MGST1: variants seen among roughly 807,000 people sequenced by gnomAD.
The protein encoded by MGST1 is microsomal glutathione S-transferase 1.
In MGST1, 5 loss-of-function variants were observed where a neutral mutation model predicts 8.9. The ratio of observed to expected loss-of-function variants is 0.56; its 90% CI spans 0.29 to 1.19. The LOEUF is 1.19. Among genes scored for constraint, MGST1 ranks in the 50% most tolerant of loss-of-function variants. The probability of loss-of-function intolerance (pLI) is 0.08; values close to 1 mark genes in which losing one functional copy is unlikely to be tolerated. For missense variants in MGST1, 182 were observed against 187.4 expected (o/e 0.97, Z 0.17); for synonymous variants, 54 against 67.8 (o/e 0.80, Z 1.00).
intron 4 of MGST1, among the ~76,000 whole-genome samples, chr12:16,496,341 G>A (rs1443141221): frequency 6.6e-6 from 1 of 152,120 alleles, no homozygotes; most frequent in Non-Finnish European, 1.5e-5. Flanking sequence ...AGTGGAGCCA[G>A]ATAGGTGAAT....
chr12:16,483,070 G>A (rs1397325715), intron 4 of MGST1, among the ~76,000 whole-genome samples: 1 of 152,156 alleles, frequency 6.6e-6, no homozygotes, highest in Non-Finnish European at 1.5e-5. Context: ...GCATTTATCT[G>A]GAATAAATGC....
Position 16,493,856 on chromosome 12 carries a change from C to A in MGST1, n.483-95672C>A, listed in dbSNP as rs16911976. On this transcript the variant is annotated intron_variant and non_coding_transcript_variant, in intron 4 of 4. Coordinates refer to the MGST1 transcript ENST00000538857. Reference sequence around the variant, plus strand: ...AGGACTCTTCTCTGAAACTTTATGTCAGCTTGAACACATTCTATTTAAAAG... The same window carrying A: ...AGGACTCTTCTCTGAAACTTTATGTAAGCTTGAACACATTCTATTTAAAAG... 1.3e-3 allele frequency among the ~76,000 whole-genome samples: 194 copies of A among 152,184 alleles called. 4 individuals carry two copies. In the East Asian group the frequency reaches 0.032, roughly 25 times the overall value.
chr12:16,442,603 G>T (rs1364171272), downstream of MGST1, among the ~76,000 whole-genome samples: 1 of 151,782 alleles, frequency 6.6e-6, no homozygotes, highest in Non-Finnish European at 1.5e-5. The surrounding 1 kb of genome is among the most constrained non-coding windows in gnomAD (Gnocchi z 4.5). Flanking sequence ...TTGCTCTTTT[G>T]TTAAAGATCA....
In MGST1 at chr12:16,401,294, A is replaced by G. The variant is rs774063222; in HGVS notation, n.778+17690A>G. On this transcript the variant is annotated intron_variant and non_coding_transcript_variant, in intron 1 of 1. Coordinates refer to the MGST1 transcript ENST00000359720. The surrounding 1 kb of genome is among the most constrained non-coding windows in gnomAD (Gnocchi z 4.3). Reference sequence around the variant, plus strand: ...TCTGAGAATCCCAAACTGATGCTGAAAACCATTCCTGTCTTCAGTTTGTAT... The same window carrying G: ...TCTGAGAATCCCAAACTGATGCTGAGAACCATTCCTGTCTTCAGTTTGTAT... 1.3e-6 allele frequency: 2 copies of G among 1,512,294 alleles called. No homozygotes were observed. Among genetic ancestry groups the G allele is most frequent in the Non-Finnish European group, 1.8e-6 (2 of 1,090,544 alleles). 93.7% of individuals were successfully genotyped at this position (1,512,294 alleles called of 1,614,324 possible). A position where few individuals can be genotyped will look rare whatever the true frequency, so the allele number is the denominator to read the frequency against.
intron 4 of MGST1, among the ~76,000 whole-genome samples, chr12:16,558,384 G>A (rs2137311548): frequency 6.6e-6 from 1 of 152,108 alleles, no homozygotes; most frequent in South Asian, 2.1e-4. Flanking sequence ...ATTCCATAAT[G>A]GGAACTGCAT....
At chr12:16,446,102 C>T (rs574050435) in intron 4 of MGST1, among the ~76,000 whole-genome samples, 79 of 151,992 alleles carry the variant, frequency 5.2e-4, no homozygotes, top group African/African-American at 1.7e-3. Flanking sequence ...ACCAGAGCAC[C>T]GTTTGCTTTA....
intron 4 of MGST1, among the ~76,000 whole-genome samples, chr12:16,455,124 T>C (rs1941162916): frequency 6.6e-6 from 1 of 151,940 alleles, no homozygotes; most frequent in Non-Finnish European, 1.5e-5. Context: ...AAATAGAATT[T>C]TGAGGACAAT....
In MGST1 at chr12:16,415,939, G is replaced by T. The variant is rs183042016; in HGVS notation, n.779-21449G>T. Reference sequence around the variant, plus strand: ...TATAAAATTTATTTTATAAATATTTGCAGCCATAATCAAGAAATAATCTTT... The same window carrying T: ...TATAAAATTTATTTTATAAATATTTTCAGCCATAATCAAGAAATAATCTTT... On this transcript the variant is annotated intron_variant and non_coding_transcript_variant, in intron 1 of 1. Coordinates refer to the MGST1 transcript ENST00000359720. Among the ~76,000 whole-genome samples, 1,390 of 152,252 alleles carry T rather than the reference G, an allele frequency of 9.1e-3. 14 individuals carry two copies. Among genetic ancestry groups the T allele is most frequent in the Non-Finnish European group, 0.013 (872 of 68,020 alleles).
intron 4 of MGST1, among the ~76,000 whole-genome samples, chr12:16,498,299 C>T (rs1238900592): frequency 2.6e-5 from 4 of 152,166 alleles, no homozygotes; most frequent in Non-Finnish European, 4.4e-5. Context: ...TAGTATCTCT[C>T]CCTGGAAGCC....
chr12:16,462,386 TTAATA>T (rs1388214784), intron 4 of MGST1, among the ~76,000 whole-genome samples: 1 of 152,138 alleles, frequency 6.6e-6, no homozygotes, highest in African/African-American at 2.4e-5. Context: ...TCTTGATCCA[TTAATA>T]TAATCTACAG....
downstream of MGST1, among the ~76,000 whole-genome samples, chr12:16,380,685 T>A (rs1940444722): frequency 6.6e-6 from 1 of 152,178 alleles, no homozygotes; most frequent in Admixed American, 6.5e-5. Context: ...TGAGTTCAAT[T>A]CCTGGGTATC....
intron 4 of MGST1, among the ~76,000 whole-genome samples, chr12:16,512,758 A>G (rs190069483): frequency 6.6e-6 from 1 of 152,382 alleles, no homozygotes; most frequent in Non-Finnish European, 1.5e-5. Flanking sequence ...CATAAATAAA[A>G]TAATTTCTTG....
At chr12:16,423,995 A>G (rs1166569132) in intron 1 of MGST1, among the ~76,000 whole-genome samples, 1 of 152,122 alleles carries the variant, frequency 6.6e-6, no homozygotes, top group Non-Finnish European at 1.5e-5. Flanking sequence ...TTTATAGCAC[A>G]TTCAGAGTAC....
At chr12:16,375,468 G>T (rs2137030612) in intron 3 of MGST1, among the ~76,000 whole-genome samples, 1 of 152,164 alleles carries the variant, frequency 6.6e-6, no homozygotes, top group East Asian at 1.9e-4. Flanking sequence ...ATCCGAAGTG[G>T]TCTTAAAATG....
chr12:16,514,314 G>A (rs11056971), intron 4 of MGST1: 1 of 297,126 alleles, frequency 3.4e-6, no homozygotes, highest in Non-Finnish European at 6.7e-6. Flanking sequence ...AGATCTTGAT[G>A]TGTCCCATGT....
chr12:16,415,802 T>A (rs1165591284), intron 1 of MGST1, among the ~76,000 whole-genome samples: 1 of 152,148 alleles, frequency 6.6e-6, no homozygotes. Context: ...CTACCGCCCA[T>A]GTTTTTCAAA....
At position 16,560,545 on chromosome 12, in the gene MGST1, T is replaced by G; in HGVS notation, n.483-28983T>G. On this transcript the variant is annotated intron_variant and non_coding_transcript_variant, in intron 4 of 4. Transcript: ENST00000538857. The surrounding 1 kb of genome is among the most constrained non-coding windows in gnomAD (Gnocchi z 5.0). Reference sequence around the variant, plus strand: ...TCCCGTTACACCAAAGAGCCTAGAATAAGAAACATTTTTTTTTTTTTACAA... The same window carrying G: ...TCCCGTTACACCAAAGAGCCTAGAAGAAGAAACATTTTTTTTTTTTTACAA... 1 of 1,583,172 alleles carries G rather than the reference T, an allele frequency of 6.3e-7. No individual in the cohort carries two copies. Among genetic ancestry groups the G allele is most frequent in the Non-Finnish European group, 8.6e-7 (1 of 1,169,454 alleles).
At chr12:16,449,115 C>A (rs971347177) in intron 4 of MGST1, among the ~76,000 whole-genome samples, 1 of 151,884 alleles carries the variant, frequency 6.6e-6, no homozygotes, top group African/African-American at 2.4e-5. Flanking sequence ...TAAGAAATAC[C>A]TGAGGCTAGA....
chr12:16,471,299 T>C (rs1188061895), intron 4 of MGST1, among the ~76,000 whole-genome samples: 1 of 152,262 alleles, frequency 6.6e-6, no homozygotes, highest in Non-Finnish European at 1.5e-5. Flanking sequence ...CGCAAAAATA[T>C]GCAACGTGGG....
Sources: allele counts gnomAD v4.1 joint callset (sites outside exome capture counted in the v4.1 genomes callset), GRCh38; gene constraint gnomAD v4.1.1; non-coding constraint Gnocchi (gnomAD v3.1); transcripts MANE v1.5; gene names NCBI Gene and HGNC (gene_info 2026-07-23, HGNC 2026-07-21).